Variants in LTBP1 observed in about 807,000 individuals in gnomAD.
The protein encoded by LTBP1 is latent transforming growth factor beta binding protein 1, also known as latent-transforming growth factor beta-binding protein 1.
A neutral mutation model predicts 207.6 loss-of-function variants in LTBP1; 129 were observed. The observed-to-expected ratio is 0.62, with a 90% CI of 0.54 to 0.72. The LOEUF (loss-of-function observed/expected upper bound fraction) is 0.72. Ranked by LOEUF, LTBP1 falls within the 30% of genes least tolerant of loss-of-function variation. The pLI, the probability that LTBP1 is intolerant of heterozygous loss-of-function variation, is 0.00. For synonymous variants in LTBP1, 963 were observed against 833.7 expected, an observed-to-expected ratio of 1.16 and a Z score of -2.67; for missense variants, 2,281 against 2,217.2, an observed-to-expected ratio of 1.03 and a Z score of -0.58.
chr2:32,957,656 T>C (rs1212362301), intron 2 of LTBP1, among the ~76,000 whole-genome samples: 1 of 152,150 alleles, frequency 6.6e-6, no homozygotes, highest in African/African-American at 2.4e-5. Context: ...ATTACGAGAA[T>C]TTCCAGAATG....
At chr2:33,059,681 C>G (rs1284481314) in intron 3 of LTBP1, among the ~76,000 whole-genome samples, 1 of 152,100 alleles carries the variant, frequency 6.6e-6, no homozygotes, top group Non-Finnish European at 1.5e-5. Context: ...GTTCAAATAC[C>G]AAATACATGT....
chr2:33,180,062 A>T (rs1446634719), intron 5 of LTBP1, among the ~76,000 whole-genome samples: 1 of 152,122 alleles, frequency 6.6e-6, no homozygotes, highest in Non-Finnish European at 1.5e-5. Flanking sequence ...TCTTCTGTAA[A>T]CACTCTTCTG....
At chr2:33,044,163 C>G (rs1276346665) in intron 3 of LTBP1, among the ~76,000 whole-genome samples, 1 of 151,258 alleles carries the variant, frequency 6.6e-6, no homozygotes, top group African/African-American at 2.4e-5. Flanking sequence ...TTCTGGGATA[C>G]ATGTGCAGAA....
intron 15 of LTBP1, among the ~76,000 whole-genome samples, chr2:33,269,528 G>A (rs1281680773): frequency 6.6e-6 from 1 of 152,178 alleles, no homozygotes; most frequent in Non-Finnish European, 1.5e-5. Context: ...AGCCAAGCAT[G>A]CTAAAAAGAC....
At chr2:33,258,585 C>T (rs1446133850) in intron 12 of LTBP1, among the ~76,000 whole-genome samples, 1 of 152,100 alleles carries the variant, frequency 6.6e-6, no homozygotes, top group African/African-American at 2.4e-5. Context: ...ATCAGTTTGC[C>T]CCTGGACACT....
intron 3 of LTBP1, among the ~76,000 whole-genome samples, chr2:33,103,177 TA>T (rs2079838328): frequency 6.6e-6 from 1 of 152,196 alleles, no homozygotes; most frequent in Admixed American, 6.5e-5. Flanking sequence ...GCATAGTCTG[TA>T]TGCTGTATGC....
At chr2:33,333,340 T>G (rs1289214572) in intron 24 of LTBP1, among the ~76,000 whole-genome samples, 1 of 152,216 alleles carries the variant, frequency 6.6e-6, no homozygotes, top group Non-Finnish European at 1.5e-5. Context: ...GTACAGTGTT[T>G]CTGTTTTCCA....
chr2:33,347,457 A>G lies in LTBP1; in HGVS notation c.3947A>G (p.Glu1316Gly), dbSNP rs534897379. 6.2e-6 allele frequency: 10 copies of G among 1,614,200 alleles called. No individual in the cohort carries two copies. In the African/African-American group the frequency reaches 1.1e-4, roughly 17 times the overall value. Reference protein sequence around the residue: ...EGSFLCVCADENQEYSPMTGQ... With the variant: ...EGSFLCVCADGNQEYSPMTGQ... ...TCCTTCCTGTGCGTGTGTGCTGATGAAAACCAAGAGTACAGCCCCATGACT... is the reference window on the plus strand; with the variant it reads ...TCCTTCCTGTGCGTGTGTGCTGATGGAAACCAAGAGTACAGCCCCATGACT... Residue 1316 changes from glutamate (E) to glycine (G), a missense_variant, in exon 26 of 34, where the codon GAA becomes GGA. By Grantham distance (98) the Glu-to-Gly change is moderately conservative (BLOSUM62 -2). Coordinates refer to ENST00000404816, the MANE Select transcript of LTBP1 (RefSeq NM_206943.4).
At chr2:33,138,266 A>G (rs1404742507) in intron 5 of LTBP1, among the ~76,000 whole-genome samples, 1 of 152,218 alleles carries the variant, frequency 6.6e-6, no homozygotes, top group Non-Finnish European at 1.5e-5. Flanking sequence ...TGGGAGAAAT[A>G]ATAAGTATAA....
chr2:33,250,014 A>G (rs1304482650), intron 10 of LTBP1, among the ~76,000 whole-genome samples: 2 of 152,216 alleles, frequency 1.3e-5, no homozygotes, highest in Non-Finnish European at 2.9e-5. Flanking sequence ...TATCCTTTAC[A>G]ATTAATCTTC....
intron 3 of LTBP1, among the ~76,000 whole-genome samples, chr2:33,026,651 C>T (rs978207320): frequency 1.3e-5 from 2 of 152,062 alleles, no homozygotes; most frequent in South Asian, 2.1e-4. Flanking sequence ...AGGCATTGAA[C>T]GAAAGTTGAA....
chr2:33,040,391 T>A (rs1434913243), intron 3 of LTBP1, among the ~76,000 whole-genome samples: 1 of 152,208 alleles, frequency 6.6e-6, no homozygotes, highest in Non-Finnish European at 1.5e-5. Flanking sequence ...CATACCTGCA[T>A]TCTGCGCATA....
At chr2:33,130,903 T>C (rs1285216794) in intron 4 of LTBP1, among the ~76,000 whole-genome samples, 1 of 152,194 alleles carries the variant, frequency 6.6e-6, no homozygotes, top group African/African-American at 2.4e-5. Context: ...GCATTTTTTT[T>C]CCTCCAAAGG....
chr2:33,257,330 T>C lies in LTBP1; in HGVS notation c.2214T>C (p.Ser738=). ...CTGGTGGAATGGGTTATACGGTTTC[T>C]GGCGTTCATAGACGCAGGCCAATCC... ...ICPGGMGYTV[S]GVHRRRPIHH... Residue 738 remains serine, a synonymous_variant, in exon 12 of 34, where the codon TCT becomes TCC. Coordinates refer to ENST00000404816, the MANE Select transcript of LTBP1 (RefSeq NM_206943.4). The C allele has an allele frequency of 6.2e-7, 1 of 1,614,250 alleles. No individual in the cohort carries two copies. Among genetic ancestry groups the C allele is most frequent in the Non-Finnish European group, 8.5e-7 (1 of 1,180,040 alleles).
intron 2 of LTBP1, among the ~76,000 whole-genome samples, chr2:32,968,019 G>A (rs975101210): frequency 1.4e-4 from 21 of 152,174 alleles, no homozygotes; most frequent in Non-Finnish European, 3.1e-4. Context: ...ACAGGGTGGA[G>A]TGCAGTGGTG....
chr2:33,214,669 G>C (rs1326962021), intron 7 of LTBP1, among the ~76,000 whole-genome samples: 2 of 152,132 alleles, frequency 1.3e-5, no homozygotes, highest in Non-Finnish European at 2.9e-5. Context: ...CATTGTGTTG[G>C]TATCTGGCAC....
intron 2 of LTBP1, among the ~76,000 whole-genome samples, chr2:33,002,968 G>A (rs1429733873): frequency 6.6e-6 from 1 of 152,176 alleles, no homozygotes; most frequent in Non-Finnish European, 1.5e-5. Flanking sequence ...GTAAGCGACC[G>A]TGCCTGGCCT....
chr2:33,246,413 A>G (rs539429114), intron 10 of LTBP1, among the ~76,000 whole-genome samples: 1 of 152,142 alleles, frequency 6.6e-6, no homozygotes, highest in Admixed American at 6.6e-5. Context: ...AAATGAAAAG[A>G]TAATGGTATT....
At chr2:33,294,268 C>T (rs2148867923) in intron 20 of LTBP1, among the ~76,000 whole-genome samples, 1 of 152,136 alleles carries the variant, frequency 6.6e-6, no homozygotes, top group Non-Finnish European at 1.5e-5. Context: ...ATGATCTTGA[C>T]TCACTGCAAC....
Sources: allele counts gnomAD v4.1 joint callset (sites outside exome capture counted in the v4.1 genomes callset), GRCh38; gene constraint gnomAD v4.1.1; transcripts MANE v1.5; gene names NCBI Gene and HGNC (gene_info 2026-07-23, HGNC 2026-07-21).